The following LRRK2 variants were observed in gnomAD, a reference collection of about 807,000 sequenced individuals.
LRRK2 encodes leucine-rich repeat serine/threonine-protein kinase 2.
In LRRK2, 203 loss-of-function variants were observed where a neutral mutation model predicts 302.6. That is an observed-to-expected ratio of 0.67 (90% CI 0.60 to 0.75). The LOEUF (loss-of-function observed/expected upper bound fraction) is 0.75. Among genes scored for constraint, LRRK2 ranks in the 30% least tolerant of loss-of-function variants. The pLI is 0.00. For missense variants in LRRK2, 2,830 were observed against 2,951.0 expected, an observed-to-expected ratio of 0.96 and a Z score of 0.95; for synonymous variants, 1,066 against 1,031.9, an observed-to-expected ratio of 1.03 and a Z score of -0.63.
chr12:40,274,711 G>C lies in LRRK2; in HGVS notation c.1785G>C (p.Met595Ile). The C allele has an allele frequency of 6.2e-7, 1 of 1,614,070 alleles. No homozygotes were observed. Residue 595 changes from methionine to isoleucine, a missense_variant, in exon 15 of 51, where the codon ATG (methionine) becomes ATC (isoleucine). Around this residue, in one of 3 missense-constraint regions of LRRK2, gnomAD observed 2,121 missense variants for 2,148.0 expected, o/e 0.99. Transcript: ENST00000298910. ...AMDSVLHTLQ[M>I]YPDDQEIQCL... is the part of the protein sequence containing the mutation. ...ATTCAGTGCTTCACACACTGCAGAT[G>C]TATCCAGATGACCAAGGTCAGTACA... is the stretch of plus-strand genomic sequence containing the variant.
chr12:40,321,307 C>G (rs1188558994), intron 35 of LRRK2, 119 bp downstream of exon 35: 3 of 1,028,286 alleles, frequency 2.9e-6, no homozygotes, highest in Non-Finnish European at 4.2e-6. Flanking sequence ...TCAGAGTTTA[C>G]TTGTTTGGAA....
Position 40,322,106 on chromosome 12 carries a change from T to C in LRRK2, c.5242T>C (p.Cys1748Arg). Residue 1748 changes from cysteine to arginine, a missense_variant, in exon 36 of 51, where the codon TGT becomes CGT. By Grantham distance (180) the Cys-to-Arg change is radical. Coordinates refer to ENST00000298910, the MANE Select transcript of LRRK2 (RefSeq NM_198578.4). The part of the protein sequence containing the change: ...IYLNWSPEAY[C>R]LVGSEVLDNH... ...CTTAAATTGGTCTCCTGAAGCTTAT[T>C]GTCTGGTAGGATCTGAAGTCTTAGA... The C allele has an allele frequency of 6.2e-7, 1 of 1,613,460 alleles. No homozygotes were observed. The highest frequency in any genetic ancestry group is 1.1e-5 in the South Asian group (1 of 91,056).
At chr12:40,265,661 T>C (rs1487285184) in intron 14 of LRRK2, among the ~76,000 whole-genome samples, 1 of 152,138 alleles carries the variant, frequency 6.6e-6, no homozygotes, top group African/African-American at 2.4e-5. Context: ...CCCAGGGGTG[T>C]GTGTTTTACT....
At chr12:40,246,972 G>A (rs1298925243) in intron 7 of LRRK2, among the ~76,000 whole-genome samples, 1 of 152,108 alleles carries the variant, frequency 6.6e-6, no homozygotes, top group Non-Finnish European at 1.5e-5. Flanking sequence ...GAATAATAAG[G>A]AATGATCGTT....
intron 21 of LRRK2, among the ~76,000 whole-genome samples, chr12:40,294,348 A>T (rs982238281): frequency 2.0e-5 from 3 of 152,002 alleles, no homozygotes; most frequent in Admixed American, 2.0e-4. Flanking sequence ...GAGCCACCTT[A>T]TTCTCAGGTT....
intron 14 of LRRK2, among the ~76,000 whole-genome samples, chr12:40,271,713 T>C (rs889965811): frequency 5.3e-5 from 8 of 152,146 alleles, no homozygotes; most frequent in Non-Finnish European, 1.2e-4. Context: ...TATATATAAA[T>C]ATTAATTTTT....
intron 39 of LRRK2, among the ~76,000 whole-genome samples, chr12:40,330,529 C>T (rs1945683123): frequency 6.6e-6 from 1 of 151,928 alleles, no homozygotes; most frequent in Admixed American, 6.6e-5. Flanking sequence ...TTTTTCATTC[C>T]ATCTAATTCA....
chr12:40,349,730 TG>T (rs1034775245), intron 43 of LRRK2, among the ~76,000 whole-genome samples: 15 of 152,286 alleles, frequency 9.8e-5, no homozygotes, highest in African/African-American at 3.6e-4. Context: ...TTGCCCAGGC[TG>T]GTCTTGAACT....
chr12:40,322,476 C>G lies in LRRK2; in HGVS notation c.5475C>G (p.Ile1825Met). 7 of 1,613,226 alleles carry G rather than the reference C, an allele frequency of 4.3e-6. No homozygotes were observed. The highest frequency in any genetic ancestry group is 5.9e-6 in the Non-Finnish European group (7 of 1,179,350). The change falls in exon 37 of 51, where the codon ATC becomes ATG. Residue 1825 changes from isoleucine (I) to methionine (M), a missense_variant. Transcript: ENST00000298910. ...ATGATGGTGAAGAACATCAAAAAAT[C>G]TTACTTGATGACTTGATGAAGAAAG... ...SFNDGEEHQKILLDDLMKKAE... is the reference protein window; with the variant it reads ...SFNDGEEHQKMLLDDLMKKAE...
In LRRK2 at chr12:40,278,251, T is replaced by C; in HGVS notation, c.2231T>C (p.Leu744Ser). Residue 744 changes from leucine (L) to serine (S), a missense_variant, in exon 18 of 51, where the codon TTA becomes TCA. Around this residue, in one of 3 missense-constraint regions of LRRK2, gnomAD observed 2,121 missense variants for 2,148.0 expected, o/e 0.99. Transcript: ENST00000298910. ...AATCAAGCAAAGGAGGGATCTTCTT[T>C]AATTTGTCAGGTAAATATTCAAGGC... is the stretch of plus-strand genomic sequence containing the variant. ...DANQAKEGSS[L>S]ICQVCEKESS... 6.2e-7 allele frequency: 1 copy of C among 1,614,156 alleles called. No homozygotes were observed. The highest frequency in any genetic ancestry group is 2.2e-5 in the East Asian group (1 of 44,852).
chr12:40,339,178 T>C (rs1945961807), intron 40 of LRRK2, among the ~76,000 whole-genome samples: 1 of 152,062 alleles, frequency 6.6e-6, no homozygotes, highest in African/African-American at 2.4e-5. Context: ...GGTGATGGAG[T>C]AACTATTAAT....
chr12:40,305,785 A>T lies in LRRK2; in HGVS notation c.3778A>T (p.Ile1260Phe). ...LHLSHNKLKE[I>F]PPEIGCLENL... ...TTTTGCCCTTTTTTTTCCCATTAAGATTCCTCCTGAGATTGGCTGTCTTGA... is the reference window on the plus strand; with the variant it reads ...TTTTGCCCTTTTTTTTCCCATTAAGTTTCCTCCTGAGATTGGCTGTCTTGA... Residue 1260 changes from isoleucine to phenylalanine, a missense_variant and splice_region_variant, in exon 28 of 51, where the codon ATT (isoleucine) becomes TTT (phenylalanine). Physicochemically the swap from Ile to Phe is conservative, Grantham distance 21. Coordinates refer to ENST00000298910, the MANE Select transcript of LRRK2 (RefSeq NM_198578.4). The T allele has an allele frequency of 6.2e-7, 1 of 1,613,180 alleles. No homozygotes were observed. Among genetic ancestry groups the T allele is most frequent in the Non-Finnish European group, 8.5e-7 (1 of 1,179,638 alleles).
Position 40,287,491 on chromosome 12 carries a change from T to G in LRRK2, c.2641T>G (p.Ser881Ala). ...KFDEWTFIPD[S>A]SMDSVFAQSD... Reference sequence around the variant, plus strand: ...TGATGAATGGACCTTTATTCCTGACTCTTCTATGGACAGTGTGTTTGCTCA... The same window carrying G: ...TGATGAATGGACCTTTATTCCTGACGCTTCTATGGACAGTGTGTTTGCTCA... The change falls in exon 20 of 51, where the codon TCT becomes GCT. Residue 881 changes from serine (S) to alanine (A), a missense_variant. Coordinates refer to ENST00000298910, the MANE Select transcript of LRRK2 (RefSeq NM_198578.4). 6.2e-7 allele frequency: 1 copy of G among 1,612,758 alleles called. No homozygotes were observed. Among genetic ancestry groups the G allele is most frequent in the Admixed American group, 1.7e-5 (1 of 59,894 alleles).
chr12:40,230,380 C>CT (rs976927724), intron 2 of LRRK2, among the ~76,000 whole-genome samples: 3 of 152,096 alleles, frequency 2.0e-5, no homozygotes, highest in Non-Finnish European at 4.4e-5. Context: ...CTCACCTTGT[C>CT]ATTCAACTCC....
chr12:40,351,108 A>G (rs1376281118), intron 43 of LRRK2, among the ~76,000 whole-genome samples: 1 of 152,180 alleles, frequency 6.6e-6, no homozygotes, highest in Non-Finnish European at 1.5e-5. Flanking sequence ...AACAGAATCT[A>G]GAGATGACTT....
intron 4 of LRRK2, among the ~76,000 whole-genome samples, chr12:40,236,012 C>T (rs1259040786): frequency 6.6e-6 from 1 of 151,818 alleles, no homozygotes; most frequent in Non-Finnish European, 1.5e-5. Flanking sequence ...TAAACATTAC[C>T]TTATATATTA....
intron 2 of LRRK2, among the ~76,000 whole-genome samples, chr12:40,230,440 T>A (rs1463949801): frequency 6.6e-6 from 1 of 152,162 alleles, no homozygotes; most frequent in Non-Finnish European, 1.5e-5. Flanking sequence ...CAAAATAGCC[T>A]CTTCCCTGTA....
chr12:40,235,739 G>T lies in LRRK2; in HGVS notation c.436+25G>T, dbSNP rs200022179. ...GGTAATATGTGTATATGTTTTTTGT[G>T]TTGATTCAAATTAAAAAAAAAGTTG... is the stretch of plus-strand genomic sequence containing the variant. On this transcript the variant is annotated intron_variant, in intron 4 of 50. Coordinates refer to ENST00000298910, the MANE Select transcript of LRRK2 (RefSeq NM_198578.4). 4.5e-6 allele frequency: 6 copies of T among 1,322,168 alleles called. No individual in the cohort carries two copies. The East Asian group carries it at 1.5e-4, about 34-fold the overall frequency. The allele number at this position is 1,322,168 out of a possible 1,614,324, so 81.9% of individuals were successfully genotyped here.
At chr12:40,346,729 A>T in intron 41 of LRRK2, 24 bp from the exon 42 acceptor site, 1 of 1,611,596 alleles carries the variant, frequency 6.2e-7, no homozygotes, top group Non-Finnish European at 8.5e-7. Flanking sequence ...GGTCATATTT[A>T]TTATTTTATC....
Sources: gnomAD v4.1 joint callset for allele counts (sites outside exome capture counted in the v4.1 genomes callset) on GRCh38, gnomAD v4.1.1 for gene constraint, gnomAD v4.1.1 regional missense constraint, MANE v1.5 for transcripts, NCBI Gene and HGNC (gene_info 2026-07-23, HGNC 2026-07-21) for gene names.